Variants in POLR3A observed in about 807,000 individuals in gnomAD.
POLR3A encodes the protein DNA-directed RNA polymerase III subunit RPC1.
In POLR3A, 112 loss-of-function variants were observed where a neutral mutation model predicts 152.8. The ratio of observed to expected loss-of-function variants is 0.73; its 90% CI spans 0.63 to 0.86. The LOEUF (loss-of-function observed/expected upper bound fraction) is 0.86. POLR3A is among the 40% of genes least tolerant of loss of function. POLR3A has a pLI of 0.00. For missense variants in POLR3A, 1,385 were observed against 1,743.1 expected (o/e 0.79, Z 3.66); for synonymous variants, 615 against 652.1 (o/e 0.94, Z 0.87).
intron 29 of POLR3A, 28 bp from the exon 30 acceptor site, chr10:77,980,301 G>A: frequency 6.2e-7 from 1 of 1,612,704 alleles, no homozygotes; most frequent in Admixed American, 1.7e-5. Context: ...GAGTCACGGT[G>A]GTACTCACAC....
chr10:77,977,178 C>G lies in POLR3A; in HGVS notation c.*300G>C. 5.0e-6 allele frequency: 2 copies of G among 397,104 alleles called. No homozygotes were observed. The highest frequency in any genetic ancestry group is 9.5e-6 in the Non-Finnish European group (2 of 209,484). 24.6% of individuals were successfully genotyped at this position (397,104 alleles called of 1,614,324 possible). A position where few individuals can be genotyped will look rare whatever the true frequency, so the allele number is the denominator to read the frequency against. ...GGATGGACCATGACACCTGGCTGGG[C>G]TTTAAGTCCAGGGAAGCAGTGTGTG... On this transcript the variant is annotated 3_prime_UTR_variant, in exon 31 of 31. Coordinates refer to ENST00000372371, the MANE Select transcript of POLR3A (RefSeq NM_007055.4).
At chr10:77,984,664 C>T (rs926706030) in intron 24 of POLR3A, among the ~76,000 whole-genome samples, 1 of 152,180 alleles carries the variant, frequency 6.6e-6, no homozygotes, top group African/African-American at 2.4e-5. Context: ...TTCAATGCTA[C>T]GTATTATCAT....
At position 78,009,221 on chromosome 10, in the gene POLR3A, CG is replaced by C. The variant is rs545331365; in HGVS notation, c.1909+315del. 6.6e-4 allele frequency among the ~76,000 whole-genome samples: 100 copies of C among 151,616 alleles called. No individual in the cohort carries two copies. The East Asian group carries it at 0.013, about 19-fold the overall frequency. On this transcript the variant is annotated intron_variant, in intron 14 of 30. Coordinates refer to ENST00000372371, the MANE Select transcript of POLR3A (RefSeq NM_007055.4). ...TAAAATCCTTGTTTATTGCCCCCCCCGCCGCCAAAAAGATGACAAAATACAG... is the reference window on the plus strand; with the variant it reads ...TAAAATCCTTGTTTATTGCCCCCCCCCCGCCAAAAAGATGACAAAATACAG...
intron 26 of POLR3A, among the ~76,000 whole-genome samples, chr10:77,983,558 G>A (rs1277107897): frequency 6.6e-6 from 1 of 152,212 alleles, no homozygotes; most frequent in African/African-American, 2.4e-5. Flanking sequence ...TCCTAGGCTA[G>A]CTGCCATGCT....
chr10:77,977,701 T>G, intron 30 of POLR3A, 75 bp from the exon 31 acceptor site: 7 of 1,305,074 alleles, frequency 5.4e-6, no homozygotes, highest in South Asian at 2.4e-5. Flanking sequence ...ACTATTGGCT[T>G]AAGTGTCAGA....
intron 19 of POLR3A, among the ~76,000 whole-genome samples, chr10:77,994,858 G>A (rs1847284175): frequency 6.6e-6 from 1 of 152,082 alleles, no homozygotes; most frequent in South Asian, 2.1e-4. Flanking sequence ...ACACATAATT[G>A]TCAGATTCAC....
At chr10:78,005,585 A>G (rs1319202468) in intron 15 of POLR3A, among the ~76,000 whole-genome samples, 1 of 152,280 alleles carries the variant, frequency 6.6e-6, no homozygotes, top group Non-Finnish European at 1.5e-5. Context: ...ATGACCTACA[A>G]GTATCTGTAG....
rs541470643 is a variant in POLR3A, at chr10:77,978,494, C to A, written c.4025-868G>T. ...GGTGCTGGTGTATGGGGCCGCAGAG[C>A]TGCGGCAAAGGCCCGGTTTCCAGGT... On this transcript the variant is annotated intron_variant, in intron 30 of 30. Coordinates refer to ENST00000372371, the MANE Select transcript of POLR3A (RefSeq NM_007055.4). Among the ~76,000 whole-genome samples, 30 of 152,218 alleles carry A rather than the reference C, an allele frequency of 2.0e-4. No homozygotes were observed. In the East Asian group the frequency reaches 5.8e-3, roughly 29 times the overall value.
chr10:77,975,439 G>C lies in POLR3A; in HGVS notation c.*2039C>G, dbSNP rs114774764. ...GGAGGAGGACCAGCACCTCCAGGAC[G>C]TATGACTTCCCCCCCTACCCATGGG... On this transcript the variant is annotated 3_prime_UTR_variant, in exon 31 of 31. Transcript: ENST00000372371. 1 of 152,248 alleles carries C rather than the reference G, an allele frequency of 6.6e-6. No homozygotes were observed. The highest frequency in any genetic ancestry group is 2.1e-4 in the South Asian group (1 of 4,838). 9.4% of individuals were successfully genotyped at this position (152,248 alleles called of 1,614,324 possible).
chr10:77,985,116 T>C (rs1200286987), intron 24 of POLR3A, 54 bp downstream of exon 24: 16 of 1,435,598 alleles, frequency 1.1e-5, no homozygotes, highest in Non-Finnish European at 1.4e-5. Context: ...GATCATTGTT[T>C]CTCAGGAAAC....
chr10:77,981,597 C>T lies in POLR3A; in HGVS notation c.3760-38G>A, dbSNP rs200403392. 98 of 1,612,344 alleles carry T rather than the reference C, an allele frequency of 6.1e-5. No homozygotes were observed. In the East Asian group the frequency reaches 1.4e-3, roughly 23 times the overall value. ...AGTAATGAGCAGAAGCAGCCCCTTC[C>T]GGGAGGCCACTGCAAATTCTCTCCA... On this transcript the variant is annotated intron_variant, in intron 28 of 30. Transcript: ENST00000372371.
chr10:78,021,510 T>C, intron 8 of POLR3A, 36 bp downstream of exon 8: 1 of 1,612,180 alleles, frequency 6.2e-7, no homozygotes, highest in Non-Finnish European at 8.5e-7. Context: ...AGACTGAATT[T>C]AAAACAAAGA....
rs1847154227 is a variant in POLR3A at position 77,982,273 on chromosome 10, T to C, written c.3640A>G (p.Ile1214Val). ...IPEVSRAVIH[I>V]DEQSGKEKYK... ...TTCTCCTTTCCACTCTGCTCGTCAA[T>C]GTGGATGACAGCTCTGGACACCTCT... Residue 1214 changes from isoleucine (I) to valine (V), a missense_variant, in exon 28 of 31, where the codon ATT becomes GTT. By Grantham distance (29) the Ile-to-Val change is conservative (BLOSUM62 3). Around this residue, in one of 7 missense-constraint regions of POLR3A, gnomAD observed 332 missense variants for 400.1 expected, o/e 0.83. Coordinates refer to ENST00000372371, the MANE Select transcript of POLR3A (RefSeq NM_007055.4). The C allele has an allele frequency of 4.3e-6, 7 of 1,613,836 alleles. No homozygotes were observed. The highest frequency in any genetic ancestry group is 5.9e-6 in the Non-Finnish European group (7 of 1,179,838).
At position 78,009,536 on chromosome 10, in the gene POLR3A, C is replaced by T; in HGVS notation, c.1909+1G>A. ...TCCCCACCCGAGTTCCGTCCACTCACAGGAATCATTGGCACAGAGATCTTC... is the reference window on the plus strand; with the variant it reads ...TCCCCACCCGAGTTCCGTCCACTCATAGGAATCATTGGCACAGAGATCTTC... On this transcript the variant is annotated splice_donor_variant, in intron 14 of 30. Coordinates refer to ENST00000372371, the MANE Select transcript of POLR3A (RefSeq NM_007055.4). LOFTEE classifies it high-confidence loss of function. 6.2e-7 allele frequency: 1 copy of T among 1,614,238 alleles called. No individual in the cohort carries two copies. Among genetic ancestry groups the T allele is most frequent in the East Asian group, 2.2e-5 (1 of 44,874 alleles).
intron 21 of POLR3A, among the ~76,000 whole-genome samples, chr10:77,989,035 C>T (rs553746641): frequency 2.0e-5 from 3 of 150,224 alleles, no homozygotes; most frequent in South Asian, 4.3e-4. Context: ...CCCCAATGGA[C>T]ACATTTCCCG....
intron 30 of POLR3A, among the ~76,000 whole-genome samples, chr10:77,978,583 G>A (rs1395747967): frequency 6.6e-6 from 1 of 152,112 alleles, no homozygotes; most frequent in Non-Finnish European, 1.5e-5. Flanking sequence ...CTTGGCCTTG[G>A]GCTTTCTTCC....
rs751596262 is a variant in POLR3A at position 77,982,143 on chromosome 10, C to G, written c.3759+11G>C. The G allele has an allele frequency of 6.2e-7, 1 of 1,604,332 alleles. No individual in the cohort carries two copies. Among genetic ancestry groups the G allele is most frequent in the South Asian group, 1.1e-5 (1 of 90,908 alleles). On this transcript the variant is annotated intron_variant, in intron 28 of 30. Coordinates refer to ENST00000372371, the MANE Select transcript of POLR3A (RefSeq NM_007055.4). The stretch of plus-strand genomic sequence containing the variant: ...CCTAACCCTAAGGCGACCCCGTGGG[C>G]TGAGTGGTACCTCATAGGTGTTATT...
At chr10:78,026,317 T>C in intron 1 of POLR3A, 88 bp from the exon 2 acceptor site, 2 of 1,325,664 alleles carry the variant, frequency 1.5e-6, no homozygotes, top group Non-Finnish European at 2.1e-6. Flanking sequence ...AACCAACCTA[T>C]CCTTCCAACT....
At chr10:78,008,785 C>T (rs1443824648) in intron 14 of POLR3A, among the ~76,000 whole-genome samples, 5 of 149,364 alleles carry the variant, frequency 3.3e-5, no homozygotes, top group East Asian at 3.9e-4. Context: ...TGAGGTGGGA[C>T]GATTGCTTGA....
Sources: gnomAD v4.1 joint callset for allele counts (sites outside exome capture counted in the v4.1 genomes callset) on GRCh38, gnomAD v4.1.1 for gene constraint, gnomAD v4.1.1 regional missense constraint, MANE v1.5 for transcripts, NCBI Gene and HGNC (gene_info 2026-07-23, HGNC 2026-07-21) for gene names.